LUZP2: variants seen among roughly 807,000 people sequenced by gnomAD.
The protein encoded by LUZP2 is leucine zipper protein 2.
LUZP2 carries 52 observed loss-of-function variants against 51.6 expected under a neutral mutation model. That is an observed-to-expected ratio of 1.01 (90% CI 0.81 to 1.27). The LOEUF (loss-of-function observed/expected upper bound fraction) is 1.27. Ranked by LOEUF, LUZP2 falls within the 50% of genes most tolerant of loss-of-function variation. The pLI, the probability that LUZP2 is intolerant of heterozygous loss-of-function variation, is 0.00. For missense variants in LUZP2, 436 were observed against 395.4 expected, an observed-to-expected ratio of 1.10 and a Z score of -0.87; for synonymous variants, 154 against 137.3, an observed-to-expected ratio of 1.12 and a Z score of -0.85.
chr11:24,616,923 G>C (rs1041462936), intron 1 of LUZP2, among the ~76,000 whole-genome samples: 1 of 152,134 alleles, frequency 6.6e-6, no homozygotes, highest in Non-Finnish European at 1.5e-5. Flanking sequence ...CACACAGCAT[G>C]GTAAATCTTG....
At chr11:24,664,205 G>C (rs1183364778) in intron 1 of LUZP2, among the ~76,000 whole-genome samples, 1 of 152,140 alleles carries the variant, frequency 6.6e-6, no homozygotes, top group African/African-American at 2.4e-5. Context: ...ATGTGGGAAA[G>C]TTGGGAACTT....
At chr11:24,522,702 G>C (rs1034645882) in intron 1 of LUZP2, among the ~76,000 whole-genome samples, 2 of 152,012 alleles carry the variant, frequency 1.3e-5, no homozygotes, top group African/African-American at 2.4e-5. Context: ...ACTCGGAAAG[G>C]ATGTGAAATT....
intron 9 of LUZP2, among the ~76,000 whole-genome samples, chr11:25,040,259 G>T (rs1024704673): frequency 1.1e-4 from 17 of 149,790 alleles, no homozygotes; most frequent in African/African-American, 4.2e-4. Context: ...CATAAAGCAA[G>T]CTTTAATAAA....
At chr11:24,899,066 A>G (rs1156863600) in intron 5 of LUZP2, among the ~76,000 whole-genome samples, 1 of 152,188 alleles carries the variant, frequency 6.6e-6, no homozygotes, top group Non-Finnish European at 1.5e-5. Context: ...AGATACAGTG[A>G]TGTAATAAAC....
At chr11:24,678,867 C>T (rs1013674375) in intron 1 of LUZP2, among the ~76,000 whole-genome samples, 1 of 152,196 alleles carries the variant, frequency 6.6e-6, no homozygotes, top group African/African-American at 2.4e-5. Context: ...AGCATTTATT[C>T]TTCCTTGAAA....
intron 1 of LUZP2, among the ~76,000 whole-genome samples, chr11:24,553,605 C>G (rs1454799457): frequency 6.6e-6 from 1 of 152,020 alleles, no homozygotes; most frequent in Admixed American, 6.6e-5. Flanking sequence ...AAAGCCACTT[C>G]TCAAATGATA....
In LUZP2 at chr11:25,062,428, T is replaced by TTA. The variant is rs1554962150; in HGVS notation, c.858+12298_858+12299insTA. 6.2e-5 allele frequency among the ~76,000 whole-genome samples: 9 copies of TTA among 145,162 alleles called. 1 individual carries two copies. Among genetic ancestry groups the TTA allele is most frequent in the Non-Finnish European group, 1.1e-4 (7 of 65,226 alleles). ...GTTGAAACTCTGCCTCTATAAAGAA[T>TTA]AAAAAAATATATATATCTGCATGTG... On this transcript the variant is annotated intron_variant, in intron 10 of 11. Coordinates refer to ENST00000336930, the MANE Select transcript of LUZP2 (RefSeq NM_001009909.4).
chr11:24,821,011 T>C (rs548793848), intron 5 of LUZP2, among the ~76,000 whole-genome samples: 1 of 152,040 alleles, frequency 6.6e-6, no homozygotes, highest in Non-Finnish European at 1.5e-5. Context: ...AAGCAACAAA[T>C]TGGAGTGTAG....
intron 1 of LUZP2, among the ~76,000 whole-genome samples, chr11:24,648,357 C>T: frequency 6.6e-6 from 1 of 151,956 alleles, no homozygotes; most frequent in African/African-American, 2.4e-5. Context: ...TTCCCCTAAC[C>T]TATCTCTTAC....
At chr11:24,626,933 T>C (rs1854704765) in intron 1 of LUZP2, among the ~76,000 whole-genome samples, 1 of 152,204 alleles carries the variant, frequency 6.6e-6, no homozygotes, top group African/African-American at 2.4e-5. Flanking sequence ...ACATTTGAAG[T>C]GACATGTTCT....
At chr11:25,043,273 A>G (rs1312233941) in intron 9 of LUZP2, among the ~76,000 whole-genome samples, 2 of 152,182 alleles carry the variant, frequency 1.3e-5, no homozygotes, top group Non-Finnish European at 2.9e-5. Context: ...TTTGTCATAT[A>G]AAGTAGAACA....
chr11:24,510,537 A>G (rs1791967434), intron 1 of LUZP2, among the ~76,000 whole-genome samples: 1 of 152,212 alleles, frequency 6.6e-6, no homozygotes, highest in Admixed American at 6.5e-5. Context: ...AAGTTATGTA[A>G]CAGGTAGGAA....
intron 1 of LUZP2, among the ~76,000 whole-genome samples, chr11:24,674,470 C>T (rs1024767438): frequency 1.3e-5 from 2 of 152,088 alleles, no homozygotes; most frequent in African/African-American, 4.8e-5. Flanking sequence ...TAACAACAAC[C>T]AATGACACAA....
chr11:24,590,979 C>T (rs1047401819), intron 1 of LUZP2, among the ~76,000 whole-genome samples: 1 of 152,114 alleles, frequency 6.6e-6, no homozygotes, highest in East Asian at 1.9e-4. Flanking sequence ...AGCAAGGTGG[C>T]TCACACCTGT....
At chr11:25,008,454 G>C (rs898055979) in intron 9 of LUZP2, among the ~76,000 whole-genome samples, 1 of 152,176 alleles carries the variant, frequency 6.6e-6, no homozygotes, top group Non-Finnish European at 1.5e-5. Context: ...TTGTGTTACA[G>C]CTTGTTTGTT....
intron 1 of LUZP2, among the ~76,000 whole-genome samples, chr11:24,498,723 A>G (rs1035068985): frequency 2.6e-5 from 4 of 152,206 alleles, no homozygotes; most frequent in Non-Finnish European, 1.5e-5. Flanking sequence ...CAAATTATGC[A>G]TCACAGTTAT....
chr11:24,851,116 C>A (rs1340723136), intron 5 of LUZP2, among the ~76,000 whole-genome samples: 2 of 152,104 alleles, frequency 1.3e-5, no homozygotes, highest in East Asian at 1.9e-4. Flanking sequence ...CTTTCTCTTG[C>A]CTAATTGCCC....
intron 7 of LUZP2, among the ~76,000 whole-genome samples, chr11:24,946,102 G>T (rs1854891836): frequency 6.6e-6 from 1 of 151,886 alleles, no homozygotes. Flanking sequence ...CTTTCACTTA[G>T]GGTAATATTT....
At chr11:24,745,943 G>A (rs975969703) in intron 4 of LUZP2, among the ~76,000 whole-genome samples, 1 of 152,126 alleles carries the variant, frequency 6.6e-6, no homozygotes, top group Admixed American at 6.6e-5. Flanking sequence ...TTCCCAAAAT[G>A]CTGGAATTAC....
Sources: allele counts gnomAD v4.1 joint callset (sites outside exome capture counted in the v4.1 genomes callset), GRCh38; gene constraint gnomAD v4.1.1; transcripts MANE v1.5; gene names NCBI Gene and HGNC (gene_info 2026-07-23, HGNC 2026-07-21).